TRDN: variants seen among roughly 807,000 people sequenced by gnomAD.
The protein encoded by TRDN is triadin.
A neutral mutation model predicts 149.7 loss-of-function variants in TRDN; 161 were observed. The ratio of observed to expected loss-of-function variants is 1.08; its 90% CI spans 0.95 to 1.23. The LOEUF is 1.23. Ranked by LOEUF, TRDN falls within the 50% of genes most tolerant of loss-of-function variation. The probability of loss-of-function intolerance (pLI) is 0.00; values close to 1 mark genes in which losing one functional copy is unlikely to be tolerated. For missense variants in TRDN, 896 were observed against 823.5 expected (o/e 1.09, Z -1.08); for synonymous variants, 294 against 250.5 (o/e 1.17, Z -1.64).
chr6:123,577,608 A>G (rs9401683), intron 1 of TRDN, among the ~76,000 whole-genome samples: 56,181 of 151,950 alleles, frequency 0.37, 10,584 homozygotes, highest in East Asian at 0.54. Flanking sequence ...AAACATTTGC[A>G]TGCATGTGTC....
chr6:123,340,267 T>C (rs1409226591), intron 21 of TRDN, among the ~76,000 whole-genome samples: 4 of 152,080 alleles, frequency 2.6e-5, no homozygotes, highest in African/African-American at 7.2e-5. Context: ...AGCATAAACA[T>C]TTTGAATCCA....
In TRDN at chr6:123,272,412, T is replaced by C. The variant is rs144704899; in HGVS notation, c.1672+552A>G. On this transcript the variant is annotated intron_variant, in intron 29 of 40. Coordinates refer to ENST00000334268, the MANE Select transcript of TRDN (RefSeq NM_006073.4). ...TTAAATAAAAATTAATTCATAACCT[T>C]GTTTTGATAAATTATGTATCTTTTT... 2.6e-4 allele frequency among the ~76,000 whole-genome samples: 39 copies of C among 151,998 alleles called. 1 individual carries two copies. Among genetic ancestry groups the C allele is most frequent in the African/African-American group, 8.4e-4 (35 of 41,528 alleles).
At chr6:123,571,526 G>A (rs529126807) in intron 1 of TRDN, among the ~76,000 whole-genome samples, 1 of 151,702 alleles carries the variant, frequency 6.6e-6, no homozygotes, top group East Asian at 1.9e-4. Flanking sequence ...TTGTTTGTAG[G>A]GGCACAGAAG....
chr6:123,273,915 T>G (rs537353008), intron 27 of TRDN, among the ~76,000 whole-genome samples: 21 of 152,086 alleles, frequency 1.4e-4, no homozygotes, highest in Non-Finnish European at 2.8e-4. Flanking sequence ...AATGTAGACT[T>G]GGAAAGGTCA....
chr6:123,332,019 T>A, intron 22 of TRDN, 90 bp from the exon 23 acceptor site: 1 of 1,007,136 alleles, frequency 9.9e-7, no homozygotes, highest in Non-Finnish European at 1.4e-6. Context: ...AAAGTATCAG[T>A]AAGCTGAAAG....
At chr6:123,579,229 G>A (rs903045215) in intron 1 of TRDN, among the ~76,000 whole-genome samples, 3 of 152,120 alleles carry the variant, frequency 2.0e-5, no homozygotes, top group Non-Finnish European at 2.9e-5. Context: ...GGTTTTCAAG[G>A]GAAATGCTTC....
At chr6:123,418,321 A>ATG (rs150557519) in intron 12 of TRDN, among the ~76,000 whole-genome samples, 105 of 148,762 alleles carry the variant, frequency 7.1e-4, no homozygotes, top group Middle Eastern at 3.6e-3. Context: ...GTGTGTGTGT[A>ATG]TGTGTGTGTG....
At chr6:123,532,917 T>C (rs557541705) in intron 4 of TRDN, among the ~76,000 whole-genome samples, 159 of 152,074 alleles carry the variant, frequency 1.0e-3, no homozygotes, top group African/African-American at 3.6e-3. Flanking sequence ...GACAAACTGA[T>C]TTCAAATGAA....
At chr6:123,564,182 T>C (rs1478481955) in intron 2 of TRDN, among the ~76,000 whole-genome samples, 2 of 152,170 alleles carry the variant, frequency 1.3e-5, no homozygotes, top group African/African-American at 4.8e-5. Flanking sequence ...TGAAGTTGGG[T>C]AGTAAAATGC....
chr6:123,517,114 T>C (rs968041016), intron 5 of TRDN, among the ~76,000 whole-genome samples: 5 of 152,118 alleles, frequency 3.3e-5, no homozygotes, highest in African/African-American at 7.2e-5. Context: ...CAAAGGTGGG[T>C]AACTGCAGGG....
In TRDN at chr6:123,392,885, T is replaced by C. The variant is rs76684112; in HGVS notation, c.1105+739A>G. Among the ~76,000 whole-genome samples the C allele has an allele frequency of 6.4e-3, 969 of 152,144 alleles. 2 individuals are homozygous for C. Among genetic ancestry groups the C allele is most frequent in the Non-Finnish European group, 0.012 (788 of 67,948 alleles). On this transcript the variant is annotated intron_variant, in intron 13 of 40. Coordinates refer to ENST00000334268, the MANE Select transcript of TRDN (RefSeq NM_006073.4). The stretch of plus-strand genomic sequence containing the variant: ...TATGAGAGCCTTCTACCCCTGAAAA[T>C]TGTACCACCACCTATGTGCATCTCC...
chr6:123,627,462 T>C (rs996725155), intron 1 of TRDN, among the ~76,000 whole-genome samples: 6 of 152,162 alleles, frequency 3.9e-5, no homozygotes, highest in Non-Finnish European at 8.8e-5. Context: ...AACTATGTTG[T>C]AAACAGATGT....
chr6:123,383,366 A>G (rs1232032453), intron 14 of TRDN, among the ~76,000 whole-genome samples: 3 of 152,116 alleles, frequency 2.0e-5, no homozygotes, highest in Non-Finnish European at 4.4e-5. Flanking sequence ...CTAAGAAAAG[A>G]ATCCAGAAAA....
intron 38 of TRDN, among the ~76,000 whole-genome samples, chr6:123,250,497 A>G (rs970914390): frequency 6.6e-6 from 1 of 152,124 alleles, no homozygotes; most frequent in Non-Finnish European, 1.5e-5. Context: ...TCTTCTTTAT[A>G]AATACCTAAG....
At chr6:123,251,035 T>C (rs1776353436) in intron 38 of TRDN, among the ~76,000 whole-genome samples, 2 of 152,250 alleles carry the variant, frequency 1.3e-5, no homozygotes, top group Middle Eastern at 3.4e-3. Context: ...ATTACCTCCT[T>C]ATGTAGTCAG....
chr6:123,498,715 C>A, intron 8 of TRDN: 4 of 422,356 alleles, frequency 9.5e-6, no homozygotes, highest in South Asian at 5.2e-5. Flanking sequence ...GATTGTTTTC[C>A]TGAACAAAAC....
chr6:123,630,745 G>A (rs967663827), intron 1 of TRDN, among the ~76,000 whole-genome samples: 2 of 151,936 alleles, frequency 1.3e-5, no homozygotes, highest in African/African-American at 4.8e-5. Flanking sequence ...AACAAGGGCT[G>A]ACACTACACA....
chr6:123,286,551 TA>T (rs1290305458), intron 24 of TRDN, among the ~76,000 whole-genome samples: 1 of 151,902 alleles, frequency 6.6e-6, no homozygotes, highest in Non-Finnish European at 1.5e-5. Flanking sequence ...GGGTGAGGGA[TA>T]AAAGACTACA....
Position 123,273,419 on chromosome 6 carries a change from C to T in TRDN, c.1598-56G>A, listed in dbSNP as rs903442203. The stretch of plus-strand genomic sequence containing the variant: ...ATTACCTGCAAAATGGAGTATTTAA[C>T]AATAACAAATACAACTGGTTATTGT... On this transcript the variant is annotated intron_variant, in intron 27 of 40. Coordinates refer to ENST00000334268, the MANE Select transcript of TRDN (RefSeq NM_006073.4). 9 of 814,366 alleles carry T rather than the reference C, an allele frequency of 1.1e-5. No homozygotes were observed. In the Admixed American group the frequency reaches 4.1e-4, roughly 37 times the overall value. 50.4% of individuals were successfully genotyped at this position (814,366 alleles called of 1,614,324 possible).
Sources: gnomAD v4.1 joint callset for allele counts (sites outside exome capture counted in the v4.1 genomes callset) on GRCh38, gnomAD v4.1.1 for gene constraint, MANE v1.5 for transcripts, NCBI Gene and HGNC (gene_info 2026-07-23, HGNC 2026-07-21) for gene names.